EXT1: variants seen among roughly 807,000 people sequenced by gnomAD.
The protein encoded by EXT1 is exostosin glycosyltransferase 1.
EXT1 carries 20 observed loss-of-function variants against 82.5 expected under a neutral mutation model. The observed-to-expected ratio is 0.24, with a 90% confidence interval of 0.17 to 0.35. EXT1 has a LOEUF of 0.35. Ranked by LOEUF, EXT1 falls within the 10% of genes least tolerant of loss-of-function variation. The probability of loss-of-function intolerance (pLI) is 1.00; values close to 1 mark genes in which losing one functional copy is unlikely to be tolerated. For missense variants in EXT1, 757 were observed against 936.5 expected (o/e 0.81, Z 2.50); for synonymous variants, 348 against 350.8 (o/e 0.99, Z 0.09).
chr8:118,002,528 C>CTTTTTTTTT (rs60354141), intron 1 of EXT1, among the ~76,000 whole-genome samples: 2 of 87,092 alleles, frequency 2.3e-5, no homozygotes, highest in African/African-American at 9.4e-5. Context: ...GAATATTTTT[C>CTTTTTTTTT]TTTTTTTTTT....
rs1036500958 is a variant in EXT1 at position 117,796,362 on chromosome 8, T to G, written c.*3350A>C. The G allele has an allele frequency of 4.6e-5, 7 of 150,988 alleles. No individual in the cohort carries two copies. The highest frequency in any genetic ancestry group is 1.9e-4 in the East Asian group (1 of 5,176). The allele number at this position is 150,988 out of a possible 1,614,324, so 9.4% of individuals were successfully genotyped here. ...TTGTTCTTAAATCAAGTGCCCTGTT[T>G]TTTTTTTTTTTAATTAAAAAAAATA... On this transcript the variant is annotated 3_prime_UTR_variant, in exon 11 of 11. Coordinates refer to ENST00000378204, the MANE Select transcript of EXT1 (RefSeq NM_000127.3).
At chr8:117,824,575 T>G (rs1193271185) in intron 4 of EXT1, among the ~76,000 whole-genome samples, 1 of 152,188 alleles carries the variant, frequency 6.6e-6, no homozygotes, top group Non-Finnish European at 1.5e-5. Flanking sequence ...GTCTCAGAAT[T>G]TAAGAATAGC....
intron 1 of EXT1, among the ~76,000 whole-genome samples, chr8:117,861,488 CTTTTTTTTTTTTT>C (rs755653091): frequency 0.031 from 2,546 of 83,474 alleles, 23 homozygotes; most frequent in Middle Eastern, 0.078. Context: ...AAGTTTTTAT[CTTTTTTTTTTTTT>C]TTTTTTTTTT....
intron 4 of EXT1, among the ~76,000 whole-genome samples, chr8:117,824,129 T>G (rs1811970357): frequency 6.6e-6 from 1 of 152,194 alleles, no homozygotes; most frequent in African/African-American, 2.4e-5. Context: ...CTTTTCAAAT[T>G]TATGTACCTT....
intron 1 of EXT1, among the ~76,000 whole-genome samples, chr8:117,888,937 G>A (rs17479537): frequency 6.6e-6 from 1 of 152,280 alleles, no homozygotes; most frequent in East Asian, 1.9e-4. Flanking sequence ...CTTTCTCGCT[G>A]ATGCAAAAAC....
intron 1 of EXT1, among the ~76,000 whole-genome samples, chr8:118,100,526 G>C (rs1476609024): frequency 6.6e-6 from 1 of 152,096 alleles, no homozygotes; most frequent in African/African-American, 2.4e-5. Flanking sequence ...GAGGCAGGTG[G>C]ATCACGAGGT....
chr8:117,989,974 C>G (rs1284965836), intron 1 of EXT1, among the ~76,000 whole-genome samples: 2 of 152,158 alleles, frequency 1.3e-5, no homozygotes, highest in African/African-American at 4.8e-5. Flanking sequence ...GAGTTTGATA[C>G]CAGCCTGGCC....
At position 117,796,485 on chromosome 8, in the gene EXT1, G is replaced by T. The variant is rs998660063; in HGVS notation, c.*3227C>A. On this transcript the variant is annotated 3_prime_UTR_variant, in exon 11 of 11. Coordinates refer to ENST00000378204, the MANE Select transcript of EXT1 (RefSeq NM_000127.3). ...GCATAATACTCTTTCAAGTCACCAG[G>T]TATTTGAGAACCACCAAAATAAAGG... The T allele has an allele frequency of 6.6e-6, 1 of 151,862 alleles. No individual in the cohort carries two copies. The highest frequency in any genetic ancestry group is 1.9e-4 in the East Asian group (1 of 5,186). 9.4% of individuals were successfully genotyped at this position (151,862 alleles called of 1,614,324 possible). A position where few individuals can be genotyped will look rare whatever the true frequency, so the allele number is the denominator to read the frequency against.
rs143622896 is a variant in EXT1 at position 117,980,812 on chromosome 8, T to C, written c.962+129273A>G. On this transcript the variant is annotated intron_variant, in intron 1 of 10. Coordinates refer to ENST00000378204, the MANE Select transcript of EXT1 (RefSeq NM_000127.3). The stretch of plus-strand genomic sequence containing the variant: ...AGCAGCTGGAGGGCAGAGGCTGCTG[T>C]CCTCTCTCTTGTAAACAAAAAGGCC... Among the ~76,000 whole-genome samples, 412 of 150,540 alleles carry C rather than the reference T, an allele frequency of 2.7e-3. 1 individual carries two copies. The highest frequency in any genetic ancestry group is 4.9e-3 in the Non-Finnish European group (329 of 67,726).
intron 1 of EXT1, among the ~76,000 whole-genome samples, chr8:117,948,433 T>C (rs889581485): frequency 6.6e-6 from 1 of 151,642 alleles, no homozygotes; most frequent in Admixed American, 6.6e-5. Flanking sequence ...AAGCAGCAGG[T>C]TGTATTCTTA....
intron 1 of EXT1, among the ~76,000 whole-genome samples, chr8:118,090,333 T>C (rs1176752260): frequency 2.6e-5 from 4 of 151,936 alleles, no homozygotes; most frequent in African/African-American, 4.8e-5. Context: ...GGTGGGAGGA[T>C]TGCTTGACCC....
At chr8:117,867,260 G>GAAAAAAAAAAAAAAAAAAA (rs372575361) in intron 1 of EXT1, among the ~76,000 whole-genome samples, 10 of 98,892 alleles carry the variant, frequency 1.0e-4, no homozygotes, top group Non-Finnish European at 1.6e-4. Context: ...CTCCACCTCA[G>GAAAAAAAAAAAAAAAAAAA]AAAAAAAAAA....
chr8:117,926,689 G>A (rs973527214), intron 1 of EXT1, among the ~76,000 whole-genome samples: 12 of 152,164 alleles, frequency 7.9e-5, no homozygotes, highest in Non-Finnish European at 1.5e-4. Flanking sequence ...TGACAAACAG[G>A]ATAAGGAAAA....
intron 1 of EXT1, among the ~76,000 whole-genome samples, chr8:117,987,229 CG>C (rs1451261655): frequency 6.6e-6 from 1 of 152,206 alleles, no homozygotes; most frequent in East Asian, 1.9e-4. Context: ...CAAACCTGCT[CG>C]GGCTGGTCCT....
At chr8:117,860,109 TG>T (rs1221455075) in intron 1 of EXT1, among the ~76,000 whole-genome samples, 1 of 126,702 alleles carries the variant, frequency 7.9e-6, no homozygotes, top group Non-Finnish European at 1.6e-5. Context: ...ATCACGCTAC[TG>T]CCCTCCAGCC....
At chr8:118,036,242 G>A (rs766796949) in intron 1 of EXT1, among the ~76,000 whole-genome samples, 2 of 151,994 alleles carry the variant, frequency 1.3e-5, no homozygotes, top group East Asian at 1.9e-4. Flanking sequence ...TCTTCCCACC[G>A]TATTCCTACA....
At position 118,028,667 on chromosome 8, in the gene EXT1, T is replaced by C. The variant is rs534886929; in HGVS notation, c.962+81418A>G. On this transcript the variant is annotated intron_variant, in intron 1 of 10. Coordinates refer to ENST00000378204, the MANE Select transcript of EXT1 (RefSeq NM_000127.3). ...TAAGCCAGCCGGGCGTGGTGGCTCA[T>C]GCCTGTAATCCCAGCACTTTGGGAG... Among the ~76,000 whole-genome samples the C allele has an allele frequency of 4.8e-4, 73 of 152,222 alleles. No individual in the cohort carries two copies. In the South Asian group the frequency reaches 0.015, roughly 32 times the overall value.
At chr8:117,906,462 A>G (rs974273837) in intron 1 of EXT1, among the ~76,000 whole-genome samples, 1 of 152,198 alleles carries the variant, frequency 6.6e-6, no homozygotes, top group African/African-American at 2.4e-5. Flanking sequence ...CAGTCCAGGA[A>G]GCCACTACCA....
At chr8:117,847,940 A>G (rs1313079709) in intron 1 of EXT1, among the ~76,000 whole-genome samples, 1 of 152,044 alleles carries the variant, frequency 6.6e-6, no homozygotes, top group East Asian at 1.9e-4. Context: ...CACCAACCTC[A>G]CCTTCCCATT....
Sources: allele counts gnomAD v4.1 joint callset (sites outside exome capture counted in the v4.1 genomes callset), GRCh38; gene constraint gnomAD v4.1.1; transcripts MANE v1.5; gene names NCBI Gene and HGNC (gene_info 2026-07-23, HGNC 2026-07-21).